KCNAB1: variants seen among roughly 807,000 people sequenced by gnomAD.
KCNAB1 encodes potassium voltage-gated channel subfamily A regulatory beta subunit 1, also known as voltage-gated potassium channel subunit beta-1.
In KCNAB1, 35 loss-of-function variants were observed where a neutral mutation model predicts 64.6. That is an observed-to-expected ratio of 0.54 (90% CI 0.41 to 0.72). The LOEUF (loss-of-function observed/expected upper bound fraction) is 0.72. Among genes scored for constraint, KCNAB1 ranks in the 30% least tolerant of loss-of-function variants. KCNAB1 has a pLI of 0.00. For missense variants in KCNAB1, 401 were observed against 512.9 expected (o/e 0.78, Z 2.11); for synonymous variants, 177 against 183.8 (o/e 0.96, Z 0.30).
At chr3:156,200,347 C>T (rs576281317) in intron 1 of KCNAB1, among the ~76,000 whole-genome samples, 45 of 152,308 alleles carry the variant, frequency 3.0e-4, no homozygotes, top group Admixed American at 1.9e-3. Flanking sequence ...AGAGCTCGAG[C>T]GCTGTGCTGG....
intron 1 of KCNAB1, among the ~76,000 whole-genome samples, chr3:156,318,952 A>T (rs2007876843): frequency 6.6e-6 from 1 of 152,246 alleles, no homozygotes. Context: ...CCAGTTAACT[A>T]ACCTTCATCT....
At chr3:156,240,762 A>G (rs966687881) in intron 1 of KCNAB1, among the ~76,000 whole-genome samples, 1 of 152,210 alleles carries the variant, frequency 6.6e-6, no homozygotes, top group Non-Finnish European at 1.5e-5. Flanking sequence ...GAAAACTGTA[A>G]TATCTGGGTT....
intron 1 of KCNAB1, among the ~76,000 whole-genome samples, chr3:156,246,941 C>T (rs1717491982): frequency 1.3e-5 from 2 of 152,128 alleles, no homozygotes; most frequent in African/African-American, 4.8e-5. Context: ...AGCATGAGAA[C>T]TATATCATTA....
chr3:156,288,997 G>A (rs1720246131), intron 1 of KCNAB1, among the ~76,000 whole-genome samples: 1 of 152,024 alleles, frequency 6.6e-6, no homozygotes, highest in Non-Finnish European at 1.5e-5. Context: ...TATAGAGTGA[G>A]GGCCTGCTAT....
At chr3:156,201,117 G>A (rs557902028) in intron 1 of KCNAB1, among the ~76,000 whole-genome samples, 9 of 152,240 alleles carry the variant, frequency 5.9e-5, no homozygotes, top group African/African-American at 2.2e-4. Flanking sequence ...GCCCCACCCT[G>A]CTTCTGCTCA....
chr3:156,336,294 G>A (rs145562173), intron 1 of KCNAB1, among the ~76,000 whole-genome samples: 2,147 of 152,200 alleles, frequency 0.014, 21 homozygotes, highest in South Asian at 0.031. Flanking sequence ...CCTGGGAGGC[G>A]GAGGTTGCAG....
intron 10 of KCNAB1, among the ~76,000 whole-genome samples, chr3:156,515,509 G>T (rs916894257): frequency 1.3e-5 from 2 of 152,072 alleles, no homozygotes; most frequent in East Asian, 3.9e-4. Flanking sequence ...TGAATAAAAG[G>T]AACAACCAAT....
chr3:156,336,558 C>T (rs1723727462), intron 1 of KCNAB1, among the ~76,000 whole-genome samples: 1 of 152,152 alleles, frequency 6.6e-6, no homozygotes, highest in African/African-American at 2.4e-5. Context: ...TTCAGAATGG[C>T]ATGGATTAAG....
chr3:156,231,298 G>A (rs1462637255), intron 1 of KCNAB1, among the ~76,000 whole-genome samples: 1 of 152,136 alleles, frequency 6.6e-6, no homozygotes, highest in Non-Finnish European at 1.5e-5. Flanking sequence ...ATTCTCATCA[G>A]ATGGGTTTTA....
At chr3:156,177,807 C>A (rs536002532) in intron 1 of KCNAB1, among the ~76,000 whole-genome samples, 2 of 152,336 alleles carry the variant, frequency 1.3e-5, no homozygotes, top group East Asian at 3.9e-4. Context: ...ATGGCATGAT[C>A]TTGGCTCACT....
intron 8 of KCNAB1, among the ~76,000 whole-genome samples, chr3:156,483,024 T>C (rs919114154): frequency 6.6e-6 from 1 of 151,992 alleles, no homozygotes; most frequent in Non-Finnish European, 1.5e-5. Flanking sequence ...GGGGAAGAGA[T>C]AGGGACAGTT....
intron 1 of KCNAB1, among the ~76,000 whole-genome samples, chr3:156,409,317 G>T (rs996177105): frequency 2.6e-5 from 4 of 152,170 alleles, no homozygotes; most frequent in African/African-American, 9.7e-5. Context: ...TTCTGGGATG[G>T]ATTAATTCAC....
chr3:156,205,836 T>C (rs1202784480), intron 1 of KCNAB1, among the ~76,000 whole-genome samples: 3 of 152,222 alleles, frequency 2.0e-5, no homozygotes, highest in Non-Finnish European at 2.9e-5. Flanking sequence ...AACTGAAATC[T>C]TTACCATTGC....
intron 2 of KCNAB1, among the ~76,000 whole-genome samples, chr3:156,428,600 C>T (rs1715998921): frequency 6.6e-6 from 1 of 150,596 alleles, no homozygotes; most frequent in Admixed American, 6.6e-5. Flanking sequence ...TTCAAAACAT[C>T]ATGCAAGTGT....
chr3:156,225,017 T>C (rs1716061104), intron 1 of KCNAB1, among the ~76,000 whole-genome samples: 2 of 152,154 alleles, frequency 1.3e-5, no homozygotes, highest in African/African-American at 4.8e-5. Context: ...ACCAATCCTA[T>C]TGACACTATT....
intron 1 of KCNAB1, among the ~76,000 whole-genome samples, chr3:156,188,059 G>A (rs1302051066): frequency 6.6e-6 from 1 of 152,142 alleles, no homozygotes; most frequent in Admixed American, 6.5e-5. Context: ...ATAGCTTCAT[G>A]TCCTTTCACA....
chr3:156,400,008 G>A (rs1363069789), intron 1 of KCNAB1, among the ~76,000 whole-genome samples: 1 of 152,034 alleles, frequency 6.6e-6, no homozygotes, highest in African/African-American at 2.4e-5. Context: ...ATATAAGGGG[G>A]TCCTCTTTAT....
chr3:156,171,187 GCACACATA>G (rs930241443), intron 1 of KCNAB1, among the ~76,000 whole-genome samples: 31 of 142,816 alleles, frequency 2.2e-4, no homozygotes, highest in Middle Eastern at 6.9e-3. Context: ...GAAACTTCAC[GCACACATA>G]CACACACACA....
chr3:156,243,932 GA>G (rs1284550729), intron 1 of KCNAB1, among the ~76,000 whole-genome samples: 8 of 152,140 alleles, frequency 5.3e-5, no homozygotes, highest in Non-Finnish European at 1.2e-4. Context: ...CCAAATGCTT[GA>G]CTGCAATTTC....
Sources: allele counts gnomAD v4.1 joint callset (sites outside exome capture counted in the v4.1 genomes callset), GRCh38; gene constraint gnomAD v4.1.1; transcripts MANE v1.5; gene names NCBI Gene and HGNC (gene_info 2026-07-23, HGNC 2026-07-21).